Variants in SPAG16 observed in about 807,000 individuals in gnomAD.
SPAG16 encodes sperm associated antigen 16, also known as sperm-associated antigen 16 protein.
In SPAG16, 86 loss-of-function variants were observed where a neutral mutation model predicts 80.4. The ratio of observed to expected loss-of-function variants is 1.07; its 90% CI spans 0.90 to 1.28. The LOEUF (loss-of-function observed/expected upper bound fraction) is 1.28. Ranked by LOEUF, SPAG16 falls within the 50% of genes most tolerant of loss-of-function variation. The pLI is 0.00. For synonymous variants in SPAG16, 294 were observed against 265.9 expected (o/e 1.11, Z -1.03); for missense variants, 870 against 765.3 (o/e 1.14, Z -1.61).
At chr2:214,230,066 T>C (rs927907313) in intron 15 of SPAG16, among the ~76,000 whole-genome samples, 2 of 151,876 alleles carry the variant, frequency 1.3e-5, no homozygotes, top group African/African-American at 4.8e-5. Context: ...ATCGGAATGA[T>C]TTCCCTAAAT....
At chr2:214,317,569 T>C (rs1695777574) in intron 15 of SPAG16, among the ~76,000 whole-genome samples, 1 of 152,182 alleles carries the variant, frequency 6.6e-6, no homozygotes, top group African/African-American at 2.4e-5. Context: ...CTGCTAAAAA[T>C]AATGTAAAAA....
At chr2:213,609,649 C>G (rs573655265) in intron 10 of SPAG16, among the ~76,000 whole-genome samples, 3 of 152,274 alleles carry the variant, frequency 2.0e-5, no homozygotes, top group Admixed American at 6.5e-5. Context: ...GAGCTGTCCC[C>G]TCTGGGCATT....
At chr2:213,974,964 A>AC (rs1553684942) in intron 12 of SPAG16, among the ~76,000 whole-genome samples, 15 of 147,690 alleles carry the variant, frequency 1.0e-4, no homozygotes, top group African/African-American at 3.9e-4. Context: ...AAAAAAAAAA[A>AC]ACACAAAATG....
chr2:214,048,532 G>A (rs72935988), intron 13 of SPAG16, among the ~76,000 whole-genome samples: 17,167 of 151,754 alleles, frequency 0.11, 1,216 homozygotes, highest in Admixed American at 0.17. Flanking sequence ...GAGATAGAGA[G>A]TAGGATGATT....
intron 11 of SPAG16, among the ~76,000 whole-genome samples, chr2:213,871,909 G>A (rs72941194): frequency 0.6 from 89,709 of 148,664 alleles, 28,626 homozygotes; most frequent in South Asian, 0.85. Flanking sequence ...GCAAACAGCA[G>A]TAAAAACAAA....
chr2:214,360,416 C>T (rs1379858579), intron 15 of SPAG16, among the ~76,000 whole-genome samples: 1 of 151,872 alleles, frequency 6.6e-6, no homozygotes, highest in East Asian at 1.9e-4. Flanking sequence ...CCACCAACTT[C>T]ACTTTTATAA....
At chr2:213,853,828 T>C (rs1436763578) in intron 10 of SPAG16, among the ~76,000 whole-genome samples, 1 of 152,216 alleles carries the variant, frequency 6.6e-6, no homozygotes, top group Non-Finnish European at 1.5e-5. Flanking sequence ...TGGGATGACA[T>C]CTTTGAGGAT....
intron 15 of SPAG16, among the ~76,000 whole-genome samples, chr2:214,230,291 G>A (rs887109254): frequency 6.6e-6 from 1 of 151,806 alleles, no homozygotes; most frequent in African/African-American, 2.4e-5. Flanking sequence ...AACATGACGA[G>A]GGAAAAGAGG....
chr2:213,544,067 C>T (rs2076537169), intron 10 of SPAG16, among the ~76,000 whole-genome samples: 1 of 151,780 alleles, frequency 6.6e-6, no homozygotes, highest in African/African-American at 2.4e-5. Flanking sequence ...TTCAGGAATG[C>T]ATGCTAGTCA....
At chr2:214,029,917 C>A (rs1293737267) in intron 13 of SPAG16, among the ~76,000 whole-genome samples, 1 of 152,038 alleles carries the variant, frequency 6.6e-6, no homozygotes, top group Admixed American at 6.6e-5. Context: ...CATAATATCA[C>A]CACAATCAAG....
chr2:213,808,326 T>TA (rs1465536747), intron 10 of SPAG16, among the ~76,000 whole-genome samples: 2 of 151,890 alleles, frequency 1.3e-5, no homozygotes, highest in East Asian at 1.9e-4. Flanking sequence ...AGGCAGAAAC[T>TA]AAAAAACGAA....
chr2:213,722,932 T>G (rs2066595168), intron 10 of SPAG16, among the ~76,000 whole-genome samples: 1 of 152,178 alleles, frequency 6.6e-6, no homozygotes, highest in Non-Finnish European at 1.5e-5. Context: ...TCAATTTCAC[T>G]TATGGGGGTT....
At chr2:213,735,262 A>C (rs1434331122) in intron 10 of SPAG16, among the ~76,000 whole-genome samples, 1 of 152,190 alleles carries the variant, frequency 6.6e-6, no homozygotes, top group Non-Finnish European at 1.5e-5. Flanking sequence ...GCAACTCTTT[A>C]CCAGATTTGT....
rs61325223 is a variant in SPAG16, at chr2:214,298,155, CATAT to C, written c.1721-111983_1721-111980del. 1.7e-4 allele frequency among the ~76,000 whole-genome samples: 11 copies of C among 65,820 alleles called. No individual in the cohort carries two copies. The South Asian group carries it at 2.2e-3, about 13-fold the overall frequency. 43.2% of individuals were successfully genotyped at this position (65,820 alleles called of 152,430 possible). A position where few individuals can be genotyped will look rare whatever the true frequency, so the allele number is the denominator to read the frequency against. On this transcript the variant is annotated intron_variant, in intron 15 of 15. Transcript: ENST00000331683. ...ACACATACACATACACACACACACA[CATAT>C]ACACACACACACACACATATATATA... is the stretch of plus-strand genomic sequence containing the variant.
chr2:213,643,605 A>G (rs181953872), intron 10 of SPAG16, among the ~76,000 whole-genome samples: 169 of 148,910 alleles, frequency 1.1e-3, no homozygotes, highest in Non-Finnish European at 1.6e-3. Flanking sequence ...TTCTACCCCT[A>G]TCTCTTTTTC....
intron 12 of SPAG16, among the ~76,000 whole-genome samples, chr2:213,943,889 A>G (rs894779868): frequency 6.6e-6 from 1 of 152,212 alleles, no homozygotes; most frequent in Non-Finnish European, 1.5e-5. Context: ...ACGGAAATAC[A>G]CCACAGAAAT....
chr2:214,356,271 TAAATA>T (rs1435674628), intron 15 of SPAG16, among the ~76,000 whole-genome samples: 1 of 152,002 alleles, frequency 6.6e-6, no homozygotes, highest in African/African-American at 2.4e-5. Flanking sequence ...GTAAACATGT[TAAATA>T]AACACATTGC....
At chr2:213,917,054 T>C (rs568265031) in intron 11 of SPAG16, among the ~76,000 whole-genome samples, 2 of 152,322 alleles carry the variant, frequency 1.3e-5, no homozygotes, top group African/African-American at 4.8e-5. Flanking sequence ...TCCCCATTGC[T>C]TGTTTTTGTT....
intron 15 of SPAG16, among the ~76,000 whole-genome samples, chr2:214,386,705 T>G (rs1700774953): frequency 6.6e-6 from 1 of 151,704 alleles, no homozygotes. Flanking sequence ...CTACAAAAAA[T>G]AAAAAAGTTT....
Sources: gnomAD v4.1 joint callset for allele counts (sites outside exome capture counted in the v4.1 genomes callset) on GRCh38, gnomAD v4.1.1 for gene constraint, MANE v1.5 for transcripts, NCBI Gene and HGNC (gene_info 2026-07-23, HGNC 2026-07-21) for gene names.